SPAG16: variants seen among roughly 807,000 people sequenced by gnomAD.
The protein encoded by SPAG16 is sperm associated antigen 16.
SPAG16 carries 86 observed loss-of-function variants against 80.4 expected under a neutral mutation model. The ratio of observed to expected loss-of-function variants is 1.07; its 90% CI spans 0.90 to 1.28. The LOEUF (loss-of-function observed/expected upper bound fraction) is 1.28, where lower values mean the gene tolerates loss of function less well. Among genes scored for constraint, SPAG16 ranks in the 50% most tolerant of loss-of-function variants. The pLI is 0.00. For missense variants in SPAG16, 870 were observed against 765.3 expected (o/e 1.14, Z -1.61); for synonymous variants, 294 against 265.9 (o/e 1.11, Z -1.03).
chr2:214,108,874 T>C (rs1428591646), intron 14 of SPAG16, among the ~76,000 whole-genome samples: 1 of 152,118 alleles, frequency 6.6e-6, no homozygotes, highest in Non-Finnish European at 1.5e-5. Flanking sequence ...ACAATGAAAA[T>C]TGTTGGAGAG....
Position 213,444,270 on chromosome 2 carries a change from A to G in SPAG16, c.943-45693A>G, listed in dbSNP as rs548142422. Among the ~76,000 whole-genome samples the G allele has an allele frequency of 3.9e-5, 6 of 152,306 alleles. No homozygotes were observed. The East Asian group carries it at 1.2e-3, about 29-fold the overall frequency. On this transcript the variant is annotated intron_variant, in intron 9 of 15. Coordinates refer to ENST00000331683, the MANE Select transcript of SPAG16 (RefSeq NM_024532.5). Reference sequence around the variant, plus strand: ...GAGTTAGAGGTTCTCTCCTGATTATAAAAAACTGGTCCTGGGGTGGAGTTT... The same window carrying G: ...GAGTTAGAGGTTCTCTCCTGATTATGAAAAACTGGTCCTGGGGTGGAGTTT...
rs774475871 is a variant in SPAG16, at chr2:214,126,082, TG to T, written c.1593+17823del. On this transcript the variant is annotated intron_variant, in intron 14 of 15. Coordinates refer to ENST00000331683, the MANE Select transcript of SPAG16 (RefSeq NM_024532.5). ...TCCTTTTTTTTTTTTTTTTTTTTTT[TG>T]GCGTTTCTGTATAGCATTTCTTTCA... 4.4e-3 allele frequency among the ~76,000 whole-genome samples: 553 copies of T among 127,080 alleles called. 20 individuals carry two copies. Among genetic ancestry groups the T allele is most frequent in the South Asian group, 0.025 (95 of 3,844 alleles). 83.4% of individuals were successfully genotyped at this position (127,080 alleles called of 152,430 possible).
chr2:213,822,517 T>C (rs2073008156), intron 10 of SPAG16, among the ~76,000 whole-genome samples: 1 of 152,224 alleles, frequency 6.6e-6, no homozygotes, highest in Admixed American at 6.5e-5. Flanking sequence ...CTTTACTGTG[T>C]TGAAACCTTT....
intron 12 of SPAG16, among the ~76,000 whole-genome samples, chr2:214,009,800 C>T (rs2047199825): frequency 6.6e-6 from 1 of 152,126 alleles, no homozygotes; most frequent in East Asian, 1.9e-4. Context: ...AAGTCAGTGC[C>T]TTTCTCTCCT....
chr2:213,703,168 A>G (rs1237055728), intron 10 of SPAG16, among the ~76,000 whole-genome samples: 4 of 152,322 alleles, frequency 2.6e-5, no homozygotes, highest in South Asian at 4.1e-4. Flanking sequence ...GCAGCCAACC[A>G]ATAACGGACA....
chr2:214,153,867 A>G (rs1388045987), intron 15 of SPAG16, among the ~76,000 whole-genome samples: 1 of 152,148 alleles, frequency 6.6e-6, no homozygotes, highest in East Asian at 1.9e-4. Context: ...TCAGCCTCTC[A>G]TACATTTAAA....
intron 9 of SPAG16, among the ~76,000 whole-genome samples, chr2:213,412,874 T>C (rs2069056935): frequency 6.6e-6 from 1 of 152,152 alleles, no homozygotes. Flanking sequence ...AAATGAAAAT[T>C]AAAAATATGA....
chr2:213,335,208 GGTT>G (rs2064295225), intron 5 of SPAG16, among the ~76,000 whole-genome samples: 1 of 152,080 alleles, frequency 6.6e-6, no homozygotes, highest in South Asian at 2.1e-4. Context: ...AATTCAAAAA[GGTT>G]GTCACAAACA....
At chr2:214,121,006 C>A (rs1263031754) in intron 14 of SPAG16, among the ~76,000 whole-genome samples, 1 of 151,684 alleles carries the variant, frequency 6.6e-6, no homozygotes, top group South Asian at 2.1e-4. Context: ...AAATATTATT[C>A]TATTCATCTA....
At chr2:214,067,685 A>G (rs2050595897) in intron 13 of SPAG16, among the ~76,000 whole-genome samples, 2 of 152,124 alleles carry the variant, frequency 1.3e-5, no homozygotes, top group South Asian at 4.1e-4. Context: ...ATATACAAGT[A>G]AAATAGTCTG....
At chr2:213,369,923 T>C (rs2066540323) in intron 8 of SPAG16, among the ~76,000 whole-genome samples, 1 of 152,110 alleles carries the variant, frequency 6.6e-6, no homozygotes, top group Non-Finnish European at 1.5e-5. Flanking sequence ...AAGTCCATAG[T>C]TTACATTAGG....
At chr2:214,287,140 C>G (rs1693423288) in intron 15 of SPAG16, among the ~76,000 whole-genome samples, 1 of 152,164 alleles carries the variant, frequency 6.6e-6, no homozygotes, top group African/African-American at 2.4e-5. Flanking sequence ...TTAGCAAATG[C>G]CATAATCATG....
intron 10 of SPAG16, among the ~76,000 whole-genome samples, chr2:213,852,811 G>C (rs988646597): frequency 7.2e-5 from 11 of 152,166 alleles, no homozygotes; most frequent in Admixed American, 2.0e-4. Flanking sequence ...TAAGTTTCCT[G>C]AGGGTGATGC....
chr2:214,175,416 G>T (rs2057045223), intron 15 of SPAG16, among the ~76,000 whole-genome samples: 2 of 150,582 alleles, frequency 1.3e-5, no homozygotes, highest in South Asian at 4.2e-4. Context: ...CTGTCAACAT[G>T]AGTACGTCTC....
chr2:214,160,505 G>C (rs2056395937), intron 15 of SPAG16, among the ~76,000 whole-genome samples: 1 of 150,894 alleles, frequency 6.6e-6, no homozygotes, highest in Admixed American at 6.6e-5. Flanking sequence ...TTTTTCATCA[G>C]GTACAAATAA....
intron 5 of SPAG16, among the ~76,000 whole-genome samples, chr2:213,320,392 A>G (rs568369337): frequency 2.9e-4 from 44 of 152,078 alleles, no homozygotes; most frequent in Non-Finnish European, 5.6e-4. Flanking sequence ...TCAAACATTT[A>G]TGATTTTTTG....
At chr2:213,845,384 G>A (rs1180927664) in intron 10 of SPAG16, among the ~76,000 whole-genome samples, 1 of 151,948 alleles carries the variant, frequency 6.6e-6, no homozygotes, top group Non-Finnish European at 1.5e-5. Context: ...TTTTAGAGGA[G>A]ACGAGGTTTC....
intron 10 of SPAG16, among the ~76,000 whole-genome samples, chr2:213,498,025 G>C (rs1365741336): frequency 6.6e-6 from 1 of 152,174 alleles, no homozygotes. Flanking sequence ...CAGAATGTCA[G>C]AGAAGATGGT....
intron 15 of SPAG16, among the ~76,000 whole-genome samples, chr2:214,175,377 T>C (rs957302172): frequency 6.7e-6 from 1 of 149,582 alleles, no homozygotes; most frequent in African/African-American, 2.4e-5. Context: ...ATAAAAGGAA[T>C]TGGATTGATG....
Sources: gnomAD v4.1 joint callset for allele counts (sites outside exome capture counted in the v4.1 genomes callset) on GRCh38, gnomAD v4.1.1 for gene constraint, MANE v1.5 for transcripts, NCBI Gene and HGNC (gene_info 2026-07-23, HGNC 2026-07-21) for gene names.